The following PRKCB variants were observed in gnomAD, a reference collection of about 807,000 sequenced individuals.
The protein encoded by PRKCB is protein kinase C beta type.
A neutral mutation model predicts 81.5 loss-of-function variants in PRKCB; 13 were observed. That is an observed-to-expected ratio of 0.16 (90% CI 0.10 to 0.25). The LOEUF (loss-of-function observed/expected upper bound fraction) is 0.25, where lower values mean the gene tolerates loss of function less well. PRKCB is among the 10% of genes least tolerant of loss of function. The probability of loss-of-function intolerance (pLI) is 1.00; values close to 1 mark genes in which losing one functional copy is unlikely to be tolerated. For synonymous variants in PRKCB, 335 were observed against 321.4 expected, an observed-to-expected ratio of 1.04 and a Z score of -0.45; for missense variants, 509 against 875.7, an observed-to-expected ratio of 0.58 and a Z score of 5.29.
Position 23,858,356 on chromosome 16 carries a change from A to T in PRKCB, c.205+20950A>T, listed in dbSNP as rs537597602. Among the ~76,000 whole-genome samples, 3 of 152,302 alleles carry T rather than the reference A, an allele frequency of 2.0e-5. No homozygotes were observed. The South Asian group carries it at 6.2e-4, about 32-fold the overall frequency. ...AGGGCTCCGGGGGTCACAGAGGAGC[A>T]CCATGGTGAGGAAGGCCCCGTAAGA... On this transcript the variant is annotated intron_variant, in intron 2 of 16. Coordinates refer to ENST00000643927, the MANE Select transcript of PRKCB (RefSeq NM_002738.7).
chr16:24,180,027 C>T (rs1423715259), intron 12 of PRKCB, among the ~76,000 whole-genome samples: 1 of 152,146 alleles, frequency 6.6e-6, no homozygotes, highest in African/African-American at 2.4e-5. Flanking sequence ...TCACTGCAAC[C>T]TCTGCCTCCC....
At position 23,899,638 on chromosome 16, in the gene PRKCB, C is replaced by G. The variant is rs1285022679; in HGVS notation, c.205+62232C>G. 6.6e-4 allele frequency among the ~76,000 whole-genome samples: 11 copies of G among 16,720 alleles called. 1 individual carries two copies. Among genetic ancestry groups the G allele is most frequent in the African/African-American group, 1.2e-3 (11 of 9,160 alleles). 11.0% of individuals were successfully genotyped at this position (16,720 alleles called of 152,430 possible). On this transcript the variant is annotated intron_variant, in intron 2 of 16. Coordinates refer to ENST00000643927, the MANE Select transcript of PRKCB (RefSeq NM_002738.7). The stretch of plus-strand genomic sequence containing the variant: ...TCTCTCTCTCTCTCTCTCTCTCTCT[C>G]TCTCTCTGTGTGTGTGTGTGTGTGT...
At chr16:23,948,511 C>T (rs932234842) in intron 2 of PRKCB, among the ~76,000 whole-genome samples, 1 of 152,144 alleles carries the variant, frequency 6.6e-6, no homozygotes, top group African/African-American at 2.4e-5. Context: ...TCAAGCGAGT[C>T]TCATGCCGCA....
intron 2 of PRKCB, among the ~76,000 whole-genome samples, chr16:23,930,181 C>T (rs185011213): frequency 2.6e-5 from 4 of 152,168 alleles, no homozygotes; most frequent in East Asian, 1.9e-4. Flanking sequence ...CAGATGTTGA[C>T]GGAGCCAGTT....
chr16:24,165,376 G>C (rs1049585539), intron 10 of PRKCB, among the ~76,000 whole-genome samples: 4 of 152,176 alleles, frequency 2.6e-5, no homozygotes, highest in African/African-American at 9.7e-5. Context: ...TGAATTAGTT[G>C]TATACTTGTT....
chr16:23,936,579 A>ATTTTTTTTTTTTTTTTTT (rs57643578), intron 2 of PRKCB, among the ~76,000 whole-genome samples: 3 of 96,040 alleles, frequency 3.1e-5, no homozygotes, highest in Non-Finnish European at 1.9e-5. Context: ...CACCCAACTA[A>ATTTTTTTTTTTTTTTTTT]TTTTTTTTTT....
chr16:23,853,047 A>G lies in PRKCB; in HGVS notation c.205+15641A>G, dbSNP rs181945005. Reference sequence around the variant, plus strand: ...TGGGGAACATCTGCTTCCTGTTTCAATGTTGCCCATCGGTTCCAGACTGTT... The same window carrying G: ...TGGGGAACATCTGCTTCCTGTTTCAGTGTTGCCCATCGGTTCCAGACTGTT... On this transcript the variant is annotated intron_variant, in intron 2 of 16. Coordinates refer to ENST00000643927, the MANE Select transcript of PRKCB (RefSeq NM_002738.7). 2.8e-4 allele frequency among the ~76,000 whole-genome samples: 42 copies of G among 152,302 alleles called. No homozygotes were observed. The East Asian group carries it at 6.6e-3, about 24-fold the overall frequency.
intron 5 of PRKCB, among the ~76,000 whole-genome samples, chr16:24,091,837 C>T (rs1427847758): frequency 3.9e-5 from 6 of 152,064 alleles, no homozygotes; most frequent in South Asian, 2.1e-4. Flanking sequence ...GCCTCTTTAC[C>T]TGGGTGTTCT....
intron 7 of PRKCB, 67 bp from the exon 8 acceptor site, chr16:24,112,906 A>G (rs1269389395): frequency 9.7e-6 from 11 of 1,136,558 alleles, no homozygotes; most frequent in African/African-American, 1.6e-5. Context: ...TCCTTTTCAT[A>G]TGCTGATCAA....
intron 2 of PRKCB, among the ~76,000 whole-genome samples, chr16:23,952,053 G>A (rs1247089531): frequency 6.6e-6 from 1 of 152,144 alleles, no homozygotes; most frequent in Non-Finnish European, 1.5e-5. Flanking sequence ...GCTGGGCACA[G>A]AGTTTTGTGC....
intron 2 of PRKCB, among the ~76,000 whole-genome samples, chr16:23,979,063 A>T (rs1011158711): frequency 3.3e-5 from 5 of 152,184 alleles, no homozygotes; most frequent in Admixed American, 6.5e-5. Context: ...TAGGGATAAT[A>T]TTGACACTTC....
chr16:24,166,768 A>T (rs536296271), intron 10 of PRKCB, among the ~76,000 whole-genome samples: 218 of 152,344 alleles, frequency 1.4e-3, no homozygotes, highest in African/African-American at 5.1e-3. Flanking sequence ...GTTCAGAAAT[A>T]AAAGGACAGT....
chr16:24,220,432 G>A lies in PRKCB; in HGVS notation c.*5616G>A, dbSNP rs935328874. 1 of 195,228 alleles carries A rather than the reference G, an allele frequency of 5.1e-6. No individual in the cohort carries two copies. The highest frequency in any genetic ancestry group is 1.0e-5 in the Non-Finnish European group (1 of 96,282). 12.1% of individuals were successfully genotyped at this position (195,228 alleles called of 1,614,324 possible). ...TCAGTATTTGTAATTTTTCAAGTCA[G>A]AAGCTGATGTTCCTGGTAAAAGTTT... is the stretch of plus-strand genomic sequence containing the variant. On this transcript the variant is annotated 3_prime_UTR_variant, in exon 17 of 17. Transcript: ENST00000643927.
intron 9 of PRKCB, among the ~76,000 whole-genome samples, chr16:24,131,226 C>G (rs971288749): frequency 1.3e-5 from 2 of 152,212 alleles, no homozygotes; most frequent in African/African-American, 4.8e-5. Context: ...TCCCATCCAG[C>G]TCTGTTGCTG....
chr16:24,002,577 G>A (rs755167827), intron 3 of PRKCB, among the ~76,000 whole-genome samples: 5 of 152,092 alleles, frequency 3.3e-5, no homozygotes, highest in East Asian at 1.9e-4. Flanking sequence ...GACCTCAAGC[G>A]TTCTGCCTGC....
intron 2 of PRKCB, among the ~76,000 whole-genome samples, chr16:23,873,873 A>C (rs1471074075): frequency 1.3e-5 from 2 of 152,134 alleles, no homozygotes. Context: ...ACTCCTACTC[A>C]GTCTCATGAA....
chr16:23,956,964 G>A (rs1362378601), intron 2 of PRKCB, among the ~76,000 whole-genome samples: 1 of 90,762 alleles, frequency 1.1e-5, no homozygotes, highest in Non-Finnish European at 2.0e-5. Context: ...TACAGGTGGA[G>A]TAAGCTATAG....
intron 7 of PRKCB, among the ~76,000 whole-genome samples, chr16:24,109,714 G>A (rs1299061742): frequency 2.9e-5 from 4 of 135,608 alleles, no homozygotes; most frequent in Non-Finnish European, 6.0e-5. Context: ...TGGCGGCCGG[G>A]CAGAGGCTGC....
Position 24,215,396 on chromosome 16 carries a change from G to A in PRKCB, c.*580G>A, listed in dbSNP as rs770838606. On this transcript the variant is annotated 3_prime_UTR_variant, in exon 17 of 17. Transcript: ENST00000643927. ...AATTCCAAGAATGTGCTTTTAGACG[G>A]TCTCAATCTAAAAGCACTTCAAGGG... 2.8e-5 allele frequency: 28 copies of A among 985,872 alleles called. No individual in the cohort carries two copies. The highest frequency in any genetic ancestry group is 3.0e-5 in the Non-Finnish European group (25 of 830,096). The allele number at this position is 985,872 out of a possible 1,614,324, so 61.1% of individuals were successfully genotyped here.
Sources: gnomAD v4.1 joint callset for allele counts (sites outside exome capture counted in the v4.1 genomes callset) on GRCh38, gnomAD v4.1.1 for gene constraint, MANE v1.5 for transcripts, NCBI Gene and HGNC (gene_info 2026-07-23, HGNC 2026-07-21) for gene names.